Variants in WARS2 observed in about 807,000 individuals in gnomAD.
WARS2 encodes the protein tryptophan--tRNA ligase, mitochondrial.
In WARS2, 28 loss-of-function variants were observed where a neutral mutation model predicts 36.5. The ratio of observed to expected loss-of-function variants is 0.77; its 90% CI spans 0.57 to 1.05. The LOEUF (loss-of-function observed/expected upper bound fraction) is 1.05, where lower values mean the gene tolerates loss of function less well. Among genes scored for constraint, WARS2 ranks in the 50% least tolerant of loss-of-function variants. WARS2 has a pLI of 0.00. For synonymous variants in WARS2, 174 were observed against 178.4 expected (o/e 0.98, Z 0.20); for missense variants, 435 against 456.8 (o/e 0.95, Z 0.44).
chr1:119,101,227 T>C (rs1317273191), intron 1 of WARS2, among the ~76,000 whole-genome samples: 2 of 152,196 alleles, frequency 1.3e-5, no homozygotes, highest in East Asian at 3.8e-4. Context: ...ACTTGATCAC[T>C]ATGTATTATA....
intron 2 of WARS2, chr1:119,064,482 C>A (rs540593500): frequency 3.9e-5 from 6 of 152,082 alleles, no homozygotes; most frequent in Admixed American, 3.9e-4. Context: ...GGGCCAGGGG[C>A]AGAATGATAT....
At chr1:119,095,589 C>T (rs1389750397) in intron 1 of WARS2, among the ~76,000 whole-genome samples, 2 of 152,112 alleles carry the variant, frequency 1.3e-5, no homozygotes, top group African/African-American at 2.4e-5. Context: ...CCTGCCACCG[C>T]GCCCGGCTAA....
Position 119,033,092 on chromosome 1 carries a change from C to T in WARS2, c.902G>A (p.Arg301His). 3.7e-6 allele frequency: 6 copies of T among 1,614,236 alleles called. No individual in the cohort carries two copies. Among genetic ancestry groups the T allele is most frequent in the South Asian group, 1.1e-5 (1 of 91,090 alleles). ...AGCATCTGCCACGGCCAGCTTGTAG[C>T]GAGCAGTGTTCATGCCCGCGCTGCG... ...VRRSAGMNTA[R>H]YKLAVADAVI... The change falls in exon 6 of 6, where the codon CGC becomes CAC. Residue 301 changes from arginine (R) to histidine (H), a missense_variant. Coordinates refer to ENST00000235521, the MANE Select transcript of WARS2 (RefSeq NM_015836.4).
At chr1:119,130,435 A>C (rs587632208) in intron 1 of WARS2, among the ~76,000 whole-genome samples, 1 of 152,324 alleles carries the variant, frequency 6.6e-6, no homozygotes, top group South Asian at 2.1e-4. Context: ...TGAAAAATAC[A>C]ATTAGGGCCA....
At chr1:119,098,051 C>A (rs587685336) in intron 1 of WARS2, among the ~76,000 whole-genome samples, 4 of 152,046 alleles carry the variant, frequency 2.6e-5, no homozygotes, top group Non-Finnish European at 5.9e-5. Flanking sequence ...GAGTTCGAGA[C>A]CAGCCTGGCC....
chr1:119,122,394 T>C lies in WARS2; in HGVS notation c.90+18161A>G, dbSNP rs761329566. Among the ~76,000 whole-genome samples the C allele has an allele frequency of 6.6e-5, 10 of 152,188 alleles. 2 individuals are homozygous for C. The highest frequency in any genetic ancestry group is 2.4e-4 in the African/African-American group (10 of 41,564). ...CCATAATTTAAAAATCAAAAAGTAATAGATGTTGGCATGGATGTGGTGAGA... is the reference window on the plus strand; with the variant it reads ...CCATAATTTAAAAATCAAAAAGTAACAGATGTTGGCATGGATGTGGTGAGA... On this transcript the variant is annotated intron_variant, in intron 1 of 5. Transcript: ENST00000235521.
intron 1 of WARS2, among the ~76,000 whole-genome samples, chr1:119,136,300 A>G (rs756360783): frequency 1.3e-5 from 2 of 152,190 alleles, no homozygotes; most frequent in Non-Finnish European, 2.9e-5. Context: ...AATCCTCAGC[A>G]TTCAGCTACA....
chr1:119,044,548 A>G (rs964335439), intron 3 of WARS2, among the ~76,000 whole-genome samples: 2 of 152,236 alleles, frequency 1.3e-5, no homozygotes, highest in African/African-American at 4.8e-5. Flanking sequence ...TCAGGCTGCT[A>G]TAACAAAATA....
intron 1 of WARS2, among the ~76,000 whole-genome samples, chr1:119,128,152 G>A (rs1218983109): frequency 6.6e-6 from 1 of 152,026 alleles, no homozygotes; most frequent in Non-Finnish European, 1.5e-5. Context: ...TTGGCTCACT[G>A]CAACCTCCGC....
chr1:119,117,756 C>A (rs1655067305), intron 1 of WARS2, among the ~76,000 whole-genome samples: 1 of 152,206 alleles, frequency 6.6e-6, no homozygotes, highest in African/African-American at 2.4e-5. Context: ...AGATGGGTCA[C>A]ATCACAGGAC....
At chr1:119,100,367 T>C (rs1204210973) in intron 1 of WARS2, among the ~76,000 whole-genome samples, 1 of 152,206 alleles carries the variant, frequency 6.6e-6, no homozygotes, top group Non-Finnish European at 1.5e-5. Context: ...ACAGCTTCTA[T>C]GGAAAACTGT....
chr1:119,084,045 A>T (rs1363272517), intron 1 of WARS2, among the ~76,000 whole-genome samples: 1 of 151,058 alleles, frequency 6.6e-6, no homozygotes, highest in Non-Finnish European at 1.5e-5. Context: ...TTTTTGAGAC[A>T]GAGTGTCTCT....
intron 2 of WARS2, among the ~76,000 whole-genome samples, chr1:119,073,847 T>C (rs1414385009): frequency 2.0e-5 from 3 of 152,198 alleles, no homozygotes; most frequent in African/African-American, 7.2e-5. Flanking sequence ...AAAAATCCTT[T>C]ACAAAGTGAA....
At chr1:119,135,407 CAG>C (rs1656413507) in intron 1 of WARS2, among the ~76,000 whole-genome samples, 1 of 152,114 alleles carries the variant, frequency 6.6e-6, no homozygotes, top group African/African-American at 2.4e-5. Flanking sequence ...TTTTATATAA[CAG>C]GGATTCATGT....
chr1:119,131,320 G>A (rs1656076337), intron 1 of WARS2, among the ~76,000 whole-genome samples: 1 of 152,150 alleles, frequency 6.6e-6, no homozygotes, highest in Admixed American at 6.5e-5. Context: ...CCAAGAAGAG[G>A]TAATGGCATT....
intron 1 of WARS2, chr1:119,085,955 CTCCACGG>C: frequency 6.2e-7 from 1 of 1,610,126 alleles, no homozygotes; most frequent in Admixed American, 1.7e-5. Flanking sequence ...AAGGGTTCAT[CTCCACGG>C]GCCCAAACTC....
rs2101584438 is a variant in WARS2, at chr1:119,136,475, C to CT, written c.90+4079dup. 2.0e-5 allele frequency among the ~76,000 whole-genome samples: 3 copies of CT among 152,280 alleles called. No individual in the cohort carries two copies. The East Asian group carries it at 5.8e-4, about 29-fold the overall frequency. ...ACTTTAAACAAATAAGACTCACCGA[C>CT]TGAGATTAAAAGGAGCTTTAGAGTG... On this transcript the variant is annotated intron_variant, in intron 1 of 5. Transcript: ENST00000235521.
intron 1 of WARS2, among the ~76,000 whole-genome samples, chr1:119,125,209 T>C (rs1473336449): frequency 6.6e-6 from 1 of 152,172 alleles, no homozygotes; most frequent in Non-Finnish European, 1.5e-5. Flanking sequence ...TTCTTTCCTC[T>C]TCCTGGCATC....
chr1:119,109,479 G>C (rs1654473384), intron 1 of WARS2, among the ~76,000 whole-genome samples: 1 of 151,894 alleles, frequency 6.6e-6, no homozygotes, highest in Admixed American at 6.6e-5. Flanking sequence ...TTGACATTCA[G>C]TCTGTTCCGT....
Sources: gnomAD v4.1 joint callset for allele counts (sites outside exome capture counted in the v4.1 genomes callset) on GRCh38, gnomAD v4.1.1 for gene constraint, MANE v1.5 for transcripts, NCBI Gene and HGNC (gene_info 2026-07-23, HGNC 2026-07-21) for gene names.